Variants in JHY observed in about 807,000 individuals in gnomAD.
JHY encodes the protein junctional cadherin complex regulator, also known as jhy protein homolog.
A neutral mutation model predicts 78.0 loss-of-function variants in JHY; 69 were observed. The ratio of observed to expected loss-of-function variants is 0.88; its 90% CI spans 0.73 to 1.08. The LOEUF (loss-of-function observed/expected upper bound fraction) is 1.08. Among genes scored for constraint, JHY ranks in the 50% least tolerant of loss-of-function variants. JHY has a pLI of 0.00. For synonymous variants in JHY, 368 were observed against 342.6 expected, an observed-to-expected ratio of 1.07 and a Z score of -0.82; for missense variants, 944 against 927.8, an observed-to-expected ratio of 1.02 and a Z score of -0.23.
Position 122,943,185 on chromosome 11 carries a change from A to C in JHY, c.1635-3313A>C, listed in dbSNP as rs150394122. 8.5e-3 allele frequency among the ~76,000 whole-genome samples: 1,300 copies of C among 152,300 alleles called. 18 individuals are homozygous for C. The highest frequency in any genetic ancestry group is 0.03 in the African/African-American group (1,251 of 41,560). On this transcript the variant is annotated intron_variant, in intron 5 of 8. Transcript: ENST00000227349. ...CCACCTCGCTCAGCTAGTTCTAAGTATTTTCTAATTCCATTATGATTGCCT... is the reference window on the plus strand; with the variant it reads ...CCACCTCGCTCAGCTAGTTCTAAGTCTTTTCTAATTCCATTATGATTGCCT...
At position 122,934,353 on chromosome 11, in the gene JHY, TAATA is replaced by T. The variant is rs1165286851; in HGVS notation, c.979-64_979-61del. 40 of 634,130 alleles carry T rather than the reference TAATA, an allele frequency of 6.3e-5. No individual in the cohort carries two copies. In the East Asian group the frequency reaches 1.2e-3, roughly 19 times the overall value. The allele number at this position is 634,130 out of a possible 1,614,324, so 39.3% of individuals were successfully genotyped here. ...ATAAATAAATAAATAAATAAATAAA[TAATA>T]AAATAAAATTTGTGAAGAGTGCCAG... On this transcript the variant is annotated intron_variant, in intron 4 of 8. Coordinates refer to ENST00000227349, the MANE Select transcript of JHY (RefSeq NM_024806.4).
At position 122,934,951 on chromosome 11, in the gene JHY, G is replaced by A. The variant is rs754007276; in HGVS notation, c.1510G>A (p.Val504Met). The change falls in exon 5 of 9, where the codon GTG (valine) becomes ATG (methionine). Residue 504 changes from valine to methionine, a missense_variant. Transcript: ENST00000227349. ...CCTTAATGAACTTTCTAAGAGACAC[G>A]TGCTCCTGAGCCAGAAAGGCTCTCA... ...NNLNELSKRH[V>M]LLSQKGSQFV... 31 of 1,613,942 alleles carry A rather than the reference G, an allele frequency of 1.9e-5. No individual in the cohort carries two copies. The highest frequency in any genetic ancestry group is 1.4e-4 in the South Asian group (13 of 91,080).
chr11:122,925,849 C>T (rs1863485754), intron 4 of JHY, among the ~76,000 whole-genome samples: 1 of 152,158 alleles, frequency 6.6e-6, no homozygotes. Flanking sequence ...AACCCCATCT[C>T]TACTAAAAAT....
intron 2 of JHY, among the ~76,000 whole-genome samples, chr11:122,895,927 G>A (rs1381845256): frequency 2.0e-5 from 3 of 152,024 alleles, no homozygotes; most frequent in African/African-American, 7.2e-5. Flanking sequence ...AGCTTTCTAG[G>A]CTCATGATTT....
chr11:122,951,582 A>G (rs765116661), intron 6 of JHY, among the ~76,000 whole-genome samples: 4 of 152,214 alleles, frequency 2.6e-5, no homozygotes, highest in Admixed American at 6.5e-5. Context: ...TTTCTGGAGA[A>G]TAGCTCTGCA....
chr11:122,906,970 T>C (rs1024436606), intron 3 of JHY, among the ~76,000 whole-genome samples: 1 of 152,156 alleles, frequency 6.6e-6, no homozygotes, highest in East Asian at 1.9e-4. Flanking sequence ...GCTCCTATTA[T>C]TTTTTTAAGA....
At position 122,924,908 on chromosome 11, in the gene JHY, C is replaced by A. The variant is rs368392523; in HGVS notation, c.876C>A (p.Pro292=). 6.2e-7 allele frequency: 1 copy of A among 1,613,090 alleles called. No homozygotes were observed. Among genetic ancestry groups the A allele is most frequent in the Non-Finnish European group, 8.5e-7 (1 of 1,179,220 alleles). ...TTTTACCTACCTAGATCTCCTACCC[C>A]GTCAGAGTAACAGACAAGACGTCTA... ...GESHPEQISY[P]VRVTDKTSIQ... Residue 292 remains proline (P), a synonymous_variant, in exon 4 of 9, where the codon CCC becomes CCA. Coordinates refer to ENST00000227349, the MANE Select transcript of JHY (RefSeq NM_024806.4).
intron 3 of JHY, among the ~76,000 whole-genome samples, chr11:122,913,197 C>T (rs767796408): frequency 5.9e-5 from 9 of 152,030 alleles, no homozygotes; most frequent in Admixed American, 1.3e-4. Context: ...TGAGGGTCCC[C>T]GGTCAATCAA....
Position 122,898,860 on chromosome 11 carries a change from C to T in JHY, c.345-5065C>T, listed in dbSNP as rs2135297539. Among the ~76,000 whole-genome samples, 1 of 152,348 alleles carries T rather than the reference C, an allele frequency of 6.6e-6. No individual in the cohort carries two copies. Among genetic ancestry groups the T allele is most frequent in the Non-Finnish European group, 1.5e-5 (1 of 68,032 alleles). On this transcript the variant is annotated intron_variant, in intron 2 of 8. Transcript: ENST00000227349. This position sits in a 1 kb window ranked among gnomAD's most constrained non-coding sequence, Gnocchi z 4.4. Reference sequence around the variant, plus strand: ...GACCTTTGCTTGCCCTTGAGCTGTGCTCCTCGACCTGCCCTCCTCTCACCC... The same window carrying T: ...GACCTTTGCTTGCCCTTGAGCTGTGTTCCTCGACCTGCCCTCCTCTCACCC...
At chr11:122,916,839 C>T (rs533040531) in intron 3 of JHY, among the ~76,000 whole-genome samples, 3 of 151,962 alleles carry the variant, frequency 2.0e-5, no homozygotes, top group Non-Finnish European at 2.9e-5. Flanking sequence ...GGGTTTCGCC[C>T]GGCTGCTTTC....
intron 6 of JHY, among the ~76,000 whole-genome samples, chr11:122,955,204 TCCGCTTCC>T (rs1864163695): frequency 6.6e-6 from 1 of 152,168 alleles, no homozygotes; most frequent in Non-Finnish European, 1.5e-5. Context: ...CACTGCAACC[TCCGCTTCC>T]CGGGTTCAAG....
At chr11:122,905,871 T>G (rs1305066346) in intron 3 of JHY, 1 of 151,672 alleles carries the variant, frequency 6.6e-6, no homozygotes, top group Admixed American at 6.6e-5. Context: ...TGTCTCAAAA[T>G]AAATAAATAA....
chr11:122,960,570 C>A lies in JHY; in HGVS notation c.*1125C>A. Reference sequence around the variant, plus strand: ...CAGTGTAACAGGACCCTATGTGCTCCAAACTGGGCTTATCTTGTATGCTTT... The same window carrying A: ...CAGTGTAACAGGACCCTATGTGCTCAAAACTGGGCTTATCTTGTATGCTTT... On this transcript the variant is annotated 3_prime_UTR_variant, in exon 9 of 9. Transcript: ENST00000227349. The A allele has an allele frequency of 4.1e-6, 1 of 244,566 alleles. No individual in the cohort carries two copies. The highest frequency in any genetic ancestry group is 8.5e-6 in the Non-Finnish European group (1 of 117,308). The allele number at this position is 244,566 out of a possible 1,614,324, so 15.1% of individuals were successfully genotyped here. A position where few individuals can be genotyped will look rare whatever the true frequency, so the allele number is the denominator to read the frequency against.
chr11:122,939,228 C>T (rs1362542908), intron 5 of JHY, among the ~76,000 whole-genome samples: 2 of 152,120 alleles, frequency 1.3e-5, no homozygotes, highest in Non-Finnish European at 2.9e-5. Context: ...CCCCGTGATC[C>T]ACCCACCTCG....
rs1565302310 is a variant in JHY at position 122,886,003 on chromosome 11, C to T, written c.154C>T (p.Gln52Ter). 6.2e-7 allele frequency: 1 copy of T among 1,614,116 alleles called. No individual in the cohort carries two copies. The highest frequency in any genetic ancestry group is 8.5e-7 in the Non-Finnish European group (1 of 1,180,020). ...GGAATCTGATTCAGAAAGCCTCACG[C>T]AAGAGATTATGTGCCATTCTGAGTT... ...SLESDSESLTQEIMCHSEFDD... is the reference protein window; with the variant it reads ...SLESDSESLT The change falls in exon 2 of 9, where the codon CAA becomes TAA. Residue 52 changes from glutamine (Q) to a stop codon, truncating the protein, a stop_gained. Coordinates refer to ENST00000227349, the MANE Select transcript of JHY (RefSeq NM_024806.4). LOFTEE classifies it high-confidence loss of function.
chr11:122,946,470 G>A, intron 5 of JHY, 28 bp from the exon 6 acceptor site: 1 of 1,543,928 alleles, frequency 6.5e-7, no homozygotes, highest in Non-Finnish European at 8.7e-7. Flanking sequence ...TTTATTAATA[G>A]ATTTGTGCCT....
intron 6 of JHY, among the ~76,000 whole-genome samples, chr11:122,948,869 A>G (rs555878869): frequency 1.3e-5 from 2 of 152,150 alleles, no homozygotes; most frequent in African/African-American, 2.4e-5. Context: ...GCAGGTCACA[A>G]GGCCAGGAGT....
chr11:122,963,320 A>AC lies in JHY; in HGVS notation c.*3880dup, dbSNP rs1414096059. Among the ~76,000 whole-genome samples the AC allele has an allele frequency of 2.3e-3, 348 of 152,308 alleles. 2 individuals are homozygous for AC. The highest frequency in any genetic ancestry group is 8.0e-3 in the African/African-American group (333 of 41,572). ...TCAAACAACATTTCACAGGATTCTTACCCCCAAGGCAACTCTTTACTATCC... is the reference window on the plus strand; with the variant it reads ...TCAAACAACATTTCACAGGATTCTTACCCCCCAAGGCAACTCTTTACTATCC... On this transcript the variant is annotated 3_prime_UTR_variant, in exon 9 of 9. Transcript: ENST00000227349.
intron 2 of JHY, among the ~76,000 whole-genome samples, chr11:122,886,583 T>C (rs1354700897): frequency 6.6e-6 from 1 of 151,938 alleles, no homozygotes; most frequent in Admixed American, 6.6e-5. Context: ...CACTTAACTC[T>C]TTTTTTTATT....
Sources: allele counts gnomAD v4.1 joint callset (sites outside exome capture counted in the v4.1 genomes callset), GRCh38; gene constraint gnomAD v4.1.1; non-coding constraint Gnocchi (gnomAD v3.1); transcripts MANE v1.5; gene names NCBI Gene and HGNC (gene_info 2026-07-23, HGNC 2026-07-21).